Variants in CYP1B1 observed in about 807,000 individuals in gnomAD.
CYP1B1 encodes the protein cytochrome P450 1B1.
In CYP1B1, 22 loss-of-function variants were observed where a neutral mutation model predicts 29.9. That is an observed-to-expected ratio of 0.74 (90% CI 0.53 to 1.05). The LOEUF is 1.05. Among genes scored for constraint, CYP1B1 ranks in the 50% least tolerant of loss-of-function variants. The probability of loss-of-function intolerance (pLI) is 0.00; values close to 1 mark genes in which losing one functional copy is unlikely to be tolerated. For synonymous variants in CYP1B1, 375 were observed against 320.0 expected (o/e 1.17, Z -1.83); for missense variants, 883 against 746.9 (o/e 1.18, Z -2.12).
rs771781154 is a variant in CYP1B1 at position 38,074,887 on chromosome 2, C to T, written c.502G>A (p.Gly168Ser). 7.1e-6 allele frequency: 11 copies of T among 1,556,172 alleles called. No individual in the cohort carries two copies. In the African/African-American group the frequency reaches 1.2e-4, roughly 17 times the overall value. Residue 168 changes from glycine (G) to serine (S), a missense_variant, in exon 2 of 3, where the codon GGC becomes AGC. Physicochemically the swap from Gly to Ser is moderately conservative, Grantham distance 56 (BLOSUM62 0). Coordinates refer to ENST00000610745, the MANE Select transcript of CYP1B1 (RefSeq NM_000104.4). ...RQPRSRQVLEGHVLSEARELV... is the reference protein window; with the variant it reads ...RQPRSRQVLESHVLSEARELV... The stretch of plus-strand genomic sequence containing the variant: ...TCGCGCGCCTCGCTCAGCACGTGGC[C>T]CTCGAGGACTTGGCGGCTGCGCGGC...
Position 38,071,215 on chromosome 2 carries a change from T to C in CYP1B1, c.1139A>G (p.Tyr380Cys). 1 of 1,613,316 alleles carries C rather than the reference T, an allele frequency of 6.2e-7. No individual in the cohort carries two copies. The highest frequency in any genetic ancestry group is 8.5e-7 in the Non-Finnish European group (1 of 1,180,026). Reference sequence around the variant, plus strand: ...GGCTTCATAAAGGAAGGCCAGGACATAGGGCAGGTTGGGCTGGTCACCCAT... The same window carrying C: ...GGCTTCATAAAGGAAGGCCAGGACACAGGGCAGGTTGGGCTGGTCACCCAT... ...PCMGDQPNLP[Y>C]VLAFLYEAMR... Residue 380 changes from tyrosine to cysteine, a missense_variant, in exon 3 of 3, where the codon TAT becomes TGT. By Grantham distance (194) the Tyr-to-Cys change is radical. Transcript: ENST00000610745.
chr2:38,073,803 C>G (rs1343320403), intron 2 of CYP1B1: 1 of 153,836 alleles, frequency 6.5e-6, no homozygotes, highest in African/African-American at 2.4e-5. Flanking sequence ...AGTTTCTGTG[C>G]GGGTTACCTG....
At position 38,074,827 on chromosome 2, in the gene CYP1B1, C is replaced by A. The variant is rs763552906; in HGVS notation, c.562G>T (p.Gly188Cys). The change falls in exon 2 of 3, where the codon GGC becomes TGC. Residue 188 changes from glycine (G) to cysteine (C), a missense_variant. Coordinates refer to ENST00000610745, the MANE Select transcript of CYP1B1 (RefSeq NM_000104.4). ...AGCGGCCTCGGGTCGAGGAAGGCGC[C>A]GTCCGCGCTGCCGCGCACCAGCAGC... is the stretch of plus-strand genomic sequence containing the variant. ...VALLVRGSAD[G>C]AFLDPRPLTV... 3 of 1,567,292 alleles carry A rather than the reference C, an allele frequency of 1.9e-6. No individual in the cohort carries two copies. The highest frequency in any genetic ancestry group is 3.7e-5 in the Admixed American group (2 of 53,602).
In CYP1B1 at chr2:38,075,140, G is replaced by C. The variant is rs766303897; in HGVS notation, c.249C>G (p.Asp83Glu). The change falls in exon 2 of 3, where the codon GAC (aspartate) becomes GAG (glutamate). Residue 83 changes from aspartate to glutamate, a missense_variant. Coordinates refer to ENST00000610745, the MANE Select transcript of CYP1B1 (RefSeq NM_000104.4). ...AGCTGCCCAGGCGGATCTGGAAAAC[G>C]TCGCCGTAGCGCCGCGCCAGGCGAG... is the stretch of plus-strand genomic sequence containing the variant. Reference protein sequence around the residue: ...SFARLARRYGDVFQIRLGSCP... With the variant: ...SFARLARRYGEVFQIRLGSCP... 6.3e-7 allele frequency: 1 copy of C among 1,576,218 alleles called. No individual in the cohort carries two copies. Among genetic ancestry groups the C allele is most frequent in the South Asian group, 1.1e-5 (1 of 88,308 alleles).
intron 2 of CYP1B1, among the ~76,000 whole-genome samples, chr2:38,071,869 C>T (rs528536517): frequency 6.6e-6 from 1 of 152,130 alleles, no homozygotes; most frequent in Non-Finnish European, 1.5e-5. Context: ...ACGAAAGTTA[C>T]AATGTGAAAG....
Position 38,069,734 on chromosome 2 carries a change from A to G in CYP1B1, c.*988T>C, listed in dbSNP as rs1453533057. On this transcript the variant is annotated 3_prime_UTR_variant, in exon 3 of 3. Transcript: ENST00000610745. ...TTGGTTGCGTTAGTTGTACTTTTCA[A>G]TTTTCAATATTATACAAGGCATATA... The G allele has an allele frequency of 1.5e-5, 3 of 200,108 alleles. No homozygotes were observed. The highest frequency in any genetic ancestry group is 1.7e-3 in the Middle Eastern group (1 of 594). The allele number at this position is 200,108 out of a possible 1,614,324, so 12.4% of individuals were successfully genotyped here. A position where few individuals can be genotyped will look rare whatever the true frequency, so the allele number is the denominator to read the frequency against.
chr2:38,074,845 C>A lies in CYP1B1; in HGVS notation c.544G>T (p.Val182Leu), dbSNP rs1362432989. 1.9e-6 allele frequency: 3 copies of A among 1,564,468 alleles called. No individual in the cohort carries two copies. In the Admixed American group the frequency reaches 5.7e-5, roughly 29 times the overall value. ...SEARELVALL[V>L]RGSADGAFLD... ...AAGGCGCCGTCCGCGCTGCCGCGCA[C>A]CAGCAGCGCCACCAGCTCGCGCGCC... The change falls in exon 2 of 3, where the codon GTG becomes TTG. Residue 182 changes from valine to leucine, a missense_variant. Physicochemically the swap from Val to Leu is conservative, Grantham distance 32. Coordinates refer to ENST00000610745, the MANE Select transcript of CYP1B1 (RefSeq NM_000104.4).
chr2:38,070,995 G>A lies in CYP1B1; in HGVS notation c.1359C>T (p.Asn453=), dbSNP rs1682419161. The part of the protein sequence containing the change: ...ARFLDKDGLI[N]KDLTSRVMIF... ...TCATCACTCTGCTGGTCAGGTCCTTGTTGATGAGGCCATCCTTGTCCAAGA... is the reference window on the plus strand; with the variant it reads ...TCATCACTCTGCTGGTCAGGTCCTTATTGATGAGGCCATCCTTGTCCAAGA... Residue 453 remains asparagine (N), a synonymous_variant, in exon 3 of 3, where the codon AAC becomes AAT. Coordinates refer to ENST00000610745, the MANE Select transcript of CYP1B1 (RefSeq NM_000104.4). The A allele has an allele frequency of 6.2e-7, 1 of 1,614,000 alleles. No individual in the cohort carries two copies. Among genetic ancestry groups the A allele is most frequent in the Admixed American group, 1.7e-5 (1 of 59,998 alleles).
intron 2 of CYP1B1, among the ~76,000 whole-genome samples, chr2:38,071,640 G>T (rs1019392473): frequency 6.6e-6 from 1 of 152,078 alleles, no homozygotes; most frequent in East Asian, 1.9e-4. Context: ...GGTACCGCAG[G>T]GACAGTGCCT....
intron 2 of CYP1B1, among the ~76,000 whole-genome samples, chr2:38,072,686 CAT>C (rs1428308475): frequency 2.0e-5 from 3 of 152,254 alleles, no homozygotes; most frequent in African/African-American, 7.2e-5. Context: ...TTCATAGAAA[CAT>C]GTATGGTGGG....
intron 1 of CYP1B1, 169 bp from the exon 2 acceptor site, chr2:38,075,558 C>A: frequency 1.5e-6 from 1 of 672,094 alleles, no homozygotes; most frequent in Non-Finnish European, 2.6e-6. Context: ...AACCCACTCT[C>A]CCTTGGAGAA....
At position 38,074,606 on chromosome 2, in the gene CYP1B1, G is replaced by A; in HGVS notation, c.783C>T (p.Phe261=). 1.2e-6 allele frequency: 2 copies of A among 1,613,540 alleles called. No homozygotes were observed. The highest frequency in any genetic ancestry group is 2.2e-5 in the South Asian group (2 of 90,990). ...PNPVRTVFRE[F]EQLNRNFSNF... is the part of the protein sequence containing the mutation. ...TGCTGAAGTTGCGGTTGAGCTGCTC[G>A]AATTCGCGGAAAACGGTGCGCACCG... The change falls in exon 2 of 3, where the codon TTC becomes TTT. Residue 261 remains phenylalanine, a synonymous_variant. Transcript: ENST00000610745.
rs777425467 is a variant in CYP1B1, at chr2:38,075,160, G to A, written c.229C>T (p.Leu77=). 2 of 1,572,190 alleles carry A rather than the reference G, an allele frequency of 1.3e-6. No homozygotes were observed. The highest frequency in any genetic ancestry group is 2.7e-5 in the African/African-American group (2 of 74,520). Residue 77 remains leucine, a synonymous_variant, in exon 2 of 3, where the codon CTG becomes TTG. Transcript: ENST00000610745. ...GQAAHLSFAR[L]ARRYGDVFQI... is the part of the protein sequence containing the mutation. ...AAAACGTCGCCGTAGCGCCGCGCCA[G>A]GCGAGCGAACGAGAGGTGAGCCGCC...
intron 1 of CYP1B1, 76 bp from the exon 2 acceptor site, chr2:38,075,465 C>A: frequency 2.8e-6 from 4 of 1,451,454 alleles, no homozygotes; most frequent in African/African-American, 1.4e-5. Flanking sequence ...CCTACCCCAG[C>A]CTCTGGGGAC....
Position 38,074,744 on chromosome 2 carries a change from G to T in CYP1B1, c.645C>A (p.Ser215Arg). The change falls in exon 2 of 3, where the codon AGC becomes AGA. Residue 215 changes from serine to arginine, a missense_variant. By Grantham distance (110) the Ser-to-Arg change is moderately radical. Coordinates refer to ENST00000610745, the MANE Select transcript of CYP1B1 (RefSeq NM_000104.4). ...MSAVCFGCRY[S>R]HDDPEFRELL... ...GCTCACGGAACTCGGGGTCGTCGTGGCTGTAGCGGCAGCCGAAACACACGG... is the reference window on the plus strand; with the variant it reads ...GCTCACGGAACTCGGGGTCGTCGTGTCTGTAGCGGCAGCCGAAACACACGG... 6.2e-7 allele frequency: 1 copy of T among 1,604,286 alleles called. No homozygotes were observed. Among genetic ancestry groups the T allele is most frequent in the Non-Finnish European group, 8.5e-7 (1 of 1,176,280 alleles).
intron 2 of CYP1B1, chr2:38,073,954 T>A (rs1197312224): frequency 3.8e-6 from 1 of 266,660 alleles, no homozygotes; most frequent in Admixed American, 5.0e-5. Context: ...AACATATTTA[T>A]GACATTACCT....
Position 38,074,575 on chromosome 2 carries a change from T to C in CYP1B1, c.814A>G (p.Ile272Val). ...CAGTGCCTCAAGAACTTGTCCAGGA[T>C]GAAGTTGCTGAAGTTGCGGTTGAGC... ...EQLNRNFSNF[I>V]LDKFLRHCES... The change falls in exon 2 of 3, where the codon ATC becomes GTC. Residue 272 changes from isoleucine (I) to valine (V), a missense_variant. Ile to Val is a conservative substitution (Grantham distance 29, BLOSUM62 3). Transcript: ENST00000610745. 1.2e-6 allele frequency: 2 copies of C among 1,611,288 alleles called. No homozygotes were observed. Among genetic ancestry groups the C allele is most frequent in the Non-Finnish European group, 1.7e-6 (2 of 1,178,956 alleles).
intron 1 of CYP1B1, 115 bp from the exon 2 acceptor site, chr2:38,075,504 C>T (rs1573276666): frequency 1.0e-5 from 11 of 1,052,186 alleles, no homozygotes; most frequent in Non-Finnish European, 1.6e-5. Context: ...GAGGTCGGAG[C>T]TGACTCTCTG....
intron 2 of CYP1B1, 96 bp from the exon 3 acceptor site, chr2:38,071,406 C>A: frequency 1.8e-6 from 2 of 1,117,130 alleles, no homozygotes; most frequent in Non-Finnish European, 2.7e-6. Flanking sequence ...TCCACTTTTT[C>A]TTAAATAGGC....
Sources: allele counts gnomAD v4.1 joint callset (sites outside exome capture counted in the v4.1 genomes callset), GRCh38; gene constraint gnomAD v4.1.1; transcripts MANE v1.5; gene names NCBI Gene and HGNC (gene_info 2026-07-23, HGNC 2026-07-21).